MYRIP: variants seen among roughly 807,000 people sequenced by gnomAD.
MYRIP encodes the protein myosin VIIA and Rab interacting protein.
In MYRIP, 49 loss-of-function variants were observed where a neutral mutation model predicts 98.0. The ratio of observed to expected loss-of-function variants is 0.50; its 90% confidence interval spans 0.40 to 0.63. The LOEUF is 0.63. MYRIP is among the 30% of genes least tolerant of loss of function. The pLI is 0.00. For missense variants in MYRIP, 1,004 were observed against 1,058.2 expected (o/e 0.95, Z 0.71); for synonymous variants, 404 against 409.5 (o/e 0.99, Z 0.16).
At chr3:40,035,340 C>T (rs1044922455) in intron 2 of MYRIP, among the ~76,000 whole-genome samples, 12 of 151,784 alleles carry the variant, frequency 7.9e-5, no homozygotes, top group African/African-American at 2.7e-4. Flanking sequence ...TAATGGATTC[C>T]CCAAGATGAG....
intron 3 of MYRIP, among the ~76,000 whole-genome samples, chr3:40,128,116 C>G (rs370996823): frequency 2.6e-5 from 4 of 152,160 alleles, no homozygotes; most frequent in Admixed American, 2.6e-4. Flanking sequence ...CCCCTATTAA[C>G]CTCAGTAGGG....
At chr3:39,874,263 A>G (rs1269407984) in intron 1 of MYRIP, among the ~76,000 whole-genome samples, 4 of 152,098 alleles carry the variant, frequency 2.6e-5, no homozygotes, top group Non-Finnish European at 5.9e-5. Context: ...GGTTTTCTAG[A>G]TATACAATCA....
intron 3 of MYRIP, among the ~76,000 whole-genome samples, chr3:40,123,894 C>T (rs1322247764): frequency 6.6e-6 from 1 of 152,198 alleles, no homozygotes; most frequent in Non-Finnish European, 1.5e-5. Context: ...ATGCCACATT[C>T]CCAGCACATT....
intron 4 of MYRIP, among the ~76,000 whole-genome samples, chr3:40,153,864 GGGCACAGT>G (rs1429470472): frequency 1.3e-5 from 2 of 151,940 alleles, no homozygotes; most frequent in Non-Finnish European, 2.9e-5. Context: ...AATTCAGGCC[GGGCACAGT>G]GGCTCTCGCC....
At chr3:40,072,841 AATG>A (rs1948261078) in intron 3 of MYRIP, among the ~76,000 whole-genome samples, 1 of 152,162 alleles carries the variant, frequency 6.6e-6, no homozygotes, top group African/African-American at 2.4e-5. Context: ...TTTAAAAAAA[AATG>A]TATATTGTGC....
chr3:39,958,507 A>G (rs1425979305), intron 2 of MYRIP, among the ~76,000 whole-genome samples: 1 of 152,230 alleles, frequency 6.6e-6, no homozygotes, highest in African/African-American at 2.4e-5. Flanking sequence ...TCCCTTCTTT[A>G]TACCTTATAC....
intron 3 of MYRIP, among the ~76,000 whole-genome samples, chr3:40,073,364 C>T (rs150660231): frequency 5.3e-5 from 8 of 152,318 alleles, no homozygotes; most frequent in Non-Finnish European, 4.4e-5. Flanking sequence ...TTCTGCACTG[C>T]GGGTTTTTAT....
rs186747268 is a variant in MYRIP, at chr3:39,836,852, G to A, written c.-31+26936G>A. Among the ~76,000 whole-genome samples the A allele has an allele frequency of 2.3e-3, 347 of 152,290 alleles. 1 individual carries two copies. The highest frequency in any genetic ancestry group is 7.9e-3 in the African/African-American group (327 of 41,568). The stretch of plus-strand genomic sequence containing the variant: ...TAGGAATGATTAAAGCTCAGGTACC[G>A]GTGCTCTAGAGTAAATACTATTGGG... On this transcript the variant is annotated intron_variant, in intron 1 of 16. Transcript: ENST00000302541.
chr3:40,232,767 T>C (rs928494197), intron 11 of MYRIP: 1 of 152,220 alleles, frequency 6.6e-6, no homozygotes, highest in Non-Finnish European at 1.5e-5. Flanking sequence ...ATTAATGACA[T>C]TGGCCCAAAT....
chr3:40,221,971 T>C (rs1270034450), intron 11 of MYRIP, among the ~76,000 whole-genome samples: 7 of 152,068 alleles, frequency 4.6e-5, no homozygotes, highest in Non-Finnish European at 1.0e-4. Context: ...ACAGCAAAGA[T>C]AGATTGGTCC....
chr3:40,017,526 C>G (rs747468015), intron 2 of MYRIP, among the ~76,000 whole-genome samples: 1 of 152,144 alleles, frequency 6.6e-6, no homozygotes, highest in Non-Finnish European at 1.5e-5. Flanking sequence ...CATCTAATTA[C>G]TCATATTTGT....
intron 2 of MYRIP, among the ~76,000 whole-genome samples, chr3:39,961,901 G>A (rs1945333581): frequency 6.6e-6 from 1 of 152,092 alleles, no homozygotes. Flanking sequence ...GGTAGGCCCA[G>A]GGAATAAGGG....
intron 2 of MYRIP, among the ~76,000 whole-genome samples, chr3:40,000,520 TA>T (rs1946494624): frequency 6.6e-6 from 1 of 152,220 alleles, no homozygotes; most frequent in South Asian, 2.1e-4. Flanking sequence ...CGATTACTCA[TA>T]AATAACTGTA....
intron 12 of MYRIP, 47 bp downstream of exon 12, chr3:40,234,100 A>T (rs761609431): frequency 2.6e-5 from 40 of 1,535,936 alleles, no homozygotes; most frequent in Non-Finnish European, 3.5e-5. Flanking sequence ...GTATGTGAAG[A>T]AGAAGCTGAT....
At chr3:40,171,903 G>C (rs2125600400) in intron 8 of MYRIP, among the ~76,000 whole-genome samples, 1 of 152,332 alleles carries the variant, frequency 6.6e-6, no homozygotes, top group East Asian at 1.9e-4. Context: ...GGCTGGGGAG[G>C]CCACACAATC....
chr3:40,103,169 C>A (rs1948981321), intron 3 of MYRIP, among the ~76,000 whole-genome samples: 1 of 152,132 alleles, frequency 6.6e-6, no homozygotes, highest in Non-Finnish European at 1.5e-5. Flanking sequence ...CCTGTCAAAT[C>A]TCCTCCCACA....
At chr3:40,060,844 C>T (rs1005208062) in intron 3 of MYRIP, among the ~76,000 whole-genome samples, 12 of 152,202 alleles carry the variant, frequency 7.9e-5, no homozygotes, top group East Asian at 7.8e-4. Context: ...CCACCTGCCT[C>T]GGCCTCCCAA....
chr3:39,877,135 A>G (rs1351936994), intron 1 of MYRIP, among the ~76,000 whole-genome samples: 2 of 152,094 alleles, frequency 1.3e-5, no homozygotes, highest in Non-Finnish European at 2.9e-5. Flanking sequence ...TGATCGCATC[A>G]GCTCCAGAGG....
intron 1 of MYRIP, among the ~76,000 whole-genome samples, chr3:39,848,276 T>C (rs182364158): frequency 3.5e-4 from 53 of 152,380 alleles, no homozygotes; most frequent in African/African-American, 1.3e-3. Flanking sequence ...GCTTCATATG[T>C]CATTGAATGA....
Sources: gnomAD v4.1 joint callset for allele counts (sites outside exome capture counted in the v4.1 genomes callset) on GRCh38, gnomAD v4.1.1 for gene constraint, MANE v1.5 for transcripts, NCBI Gene and HGNC (gene_info 2026-07-23, HGNC 2026-07-21) for gene names.